ZBTB49: variants seen among roughly 807,000 people sequenced by gnomAD.
ZBTB49 encodes the protein zinc finger and BTB domain-containing protein 49.
A neutral mutation model predicts 57.5 loss-of-function variants in ZBTB49; 43 were observed. The observed-to-expected ratio is 0.75, with a 90% CI of 0.59 to 0.97. The LOEUF (loss-of-function observed/expected upper bound fraction) is 0.97, where lower values mean the gene tolerates loss of function less well. Among genes scored for constraint, ZBTB49 ranks in the 50% least tolerant of loss-of-function variants. The probability of loss-of-function intolerance (pLI) is 0.00; values close to 1 mark genes in which losing one functional copy is unlikely to be tolerated. For synonymous variants in ZBTB49, 369 were observed against 362.1 expected (o/e 1.02, Z -0.22); for missense variants, 938 against 947.7 (o/e 0.99, Z 0.13).
intron 1 of ZBTB49, among the ~76,000 whole-genome samples, chr4:4,293,351 G>T (rs940536143): frequency 2.6e-5 from 4 of 152,200 alleles, no homozygotes; most frequent in Admixed American, 1.3e-4. Flanking sequence ...GTTCCTTAAT[G>T]CAAAGCTTGT....
chr4:4,316,051 G>A (rs551776969), intron 7 of ZBTB49, 81 bp downstream of exon 7: 123 of 1,525,456 alleles, frequency 8.1e-5, no homozygotes, highest in South Asian at 2.6e-4. Context: ...AGCTGAGTGC[G>A]TGTCTGGGAT....
intron 5 of ZBTB49, among the ~76,000 whole-genome samples, chr4:4,315,352 C>T (rs919286889): frequency 3.9e-5 from 6 of 152,092 alleles, no homozygotes; most frequent in African/African-American, 1.4e-4. Flanking sequence ...GATGCTGAAC[C>T]GTACGGTATC....
intron 1 of ZBTB49, among the ~76,000 whole-genome samples, chr4:4,292,188 G>A (rs1448958187): frequency 6.6e-6 from 1 of 152,184 alleles, no homozygotes; most frequent in Non-Finnish European, 1.5e-5. Flanking sequence ...GGCTGAGGCA[G>A]AAGAATCGCT....
intron 1 of ZBTB49, among the ~76,000 whole-genome samples, chr4:4,293,758 T>C (rs1201053837): frequency 1.3e-5 from 2 of 152,246 alleles, no homozygotes; most frequent in Non-Finnish European, 2.9e-5. Context: ...AGCTGAACCC[T>C]TCTCTGTCTC....
At chr4:4,301,956 G>C (rs760263570) in intron 2 of ZBTB49, 33 bp from the exon 3 acceptor site, 4 of 1,422,964 alleles carry the variant, frequency 2.8e-6, no homozygotes, top group Non-Finnish European at 3.7e-6. Flanking sequence ...GTGAATTTTT[G>C]GCACTGTAAA....
Position 4,321,266 on chromosome 4 carries a change from T to G in ZBTB49, c.2248T>G (p.Trp750Gly), listed in dbSNP as rs759059985. The G allele has an allele frequency of 3.1e-6, 5 of 1,613,902 alleles. No homozygotes were observed. Among genetic ancestry groups the G allele is most frequent in the Non-Finnish European group, 3.4e-6 (4 of 1,180,036 alleles). ...TCAGTTTTTCTCCAGCATGACTCTC[T>G]GGGGGCTAGCGATGAAGACGCTGCA... ...EGQFFSSMTL[W>G]GLAMKTLQNE... is the part of the protein sequence containing the mutation. Residue 750 changes from tryptophan (W) to glycine (G), a missense_variant, in exon 8 of 8, where the codon TGG (tryptophan) becomes GGG (glycine). Physicochemically the swap from Trp to Gly is radical, Grantham distance 184. Around this residue, in one of 3 missense-constraint regions of ZBTB49, gnomAD observed 835 missense variants for 819.1 expected, o/e 1.02. Coordinates refer to ENST00000337872, the MANE Select transcript of ZBTB49 (RefSeq NM_145291.4).
chr4:4,319,990 G>A lies in ZBTB49; in HGVS notation c.1622-650G>A, dbSNP rs112918288. 9.9e-4 allele frequency among the ~76,000 whole-genome samples: 148 copies of A among 149,996 alleles called. 1 individual carries two copies. Among genetic ancestry groups the A allele is most frequent in the African/African-American group, 3.5e-3 (142 of 40,768 alleles). Reference sequence around the variant, plus strand: ...GAGGCAGGAGAACCACCTGAACCTCGGAGGCAGAGGTTGCACTGAGCCGAG... The same window carrying A: ...GAGGCAGGAGAACCACCTGAACCTCAGAGGCAGAGGTTGCACTGAGCCGAG... On this transcript the variant is annotated intron_variant, in intron 7 of 7. Transcript: ENST00000337872.
chr4:4,292,455 CAG>C (rs527986929), intron 1 of ZBTB49, among the ~76,000 whole-genome samples: 66 of 152,276 alleles, frequency 4.3e-4, no homozygotes, highest in Non-Finnish European at 7.8e-4. Context: ...AACTGAGACA[CAG>C]AGCCTGTGAA....
At chr4:4,319,797 G>GATTTTTTTCTTTTTTTCGAGACAAACA (rs1390015943) in intron 7 of ZBTB49, among the ~76,000 whole-genome samples, 2 of 151,520 alleles carry the variant, frequency 1.3e-5, no homozygotes, top group South Asian at 2.1e-4. Context: ...CAGCCTGGGC[G>GATTTTTTTCTTTTTTTCGAGACAAACA]CCTCACTCCC....
chr4:4,306,936 T>C (rs1455819132), intron 4 of ZBTB49, among the ~76,000 whole-genome samples: 1 of 152,208 alleles, frequency 6.6e-6, no homozygotes, highest in Non-Finnish European at 1.5e-5. Flanking sequence ...GTAGATCCTG[T>C]GGCAGCAGTG....
chr4:4,291,686 G>GT (rs1374283098), intron 1 of ZBTB49, among the ~76,000 whole-genome samples: 3 of 152,136 alleles, frequency 2.0e-5, no homozygotes, highest in Non-Finnish European at 2.9e-5. Flanking sequence ...GTTGTTGTTT[G>GT]TTTGTTTGTC....
chr4:4,306,634 C>T (rs1720747326), intron 4 of ZBTB49, among the ~76,000 whole-genome samples: 1 of 152,102 alleles, frequency 6.6e-6, no homozygotes, highest in African/African-American at 2.4e-5. Context: ...TTTAGCTGAC[C>T]TCCATTAAGG....
rs912548910 is a variant in ZBTB49 at position 4,313,222 on chromosome 4, G to A, written c.1376+108G>A. The A allele has an allele frequency of 5.1e-5, 63 of 1,237,092 alleles. No homozygotes were observed. The African/African-American group carries it at 9.5e-4, about 19-fold the overall frequency. 76.6% of individuals were successfully genotyped at this position (1,237,092 alleles called of 1,614,324 possible). ...TGGCTCACAGATGAGCCACAGGTGG[G>A]CTCACCCTGCCACTGCAGAACACAG... On this transcript the variant is annotated intron_variant, in intron 5 of 7. Transcript: ENST00000337872.
chr4:4,291,342 A>G (rs886820216), intron 1 of ZBTB49, among the ~76,000 whole-genome samples: 1 of 152,062 alleles, frequency 6.6e-6, no homozygotes, highest in Non-Finnish European at 1.5e-5. Flanking sequence ...CTGTGTTTTC[A>G]CATCTCTGGC....
At chr4:4,299,817 G>GAT in intron 1 of ZBTB49, 110 bp from the exon 2 acceptor site, 1 of 927,662 alleles carries the variant, frequency 1.1e-6, no homozygotes, top group Non-Finnish European at 1.6e-6. Context: ...GTGTGAGAGA[G>GAT]AAACTGTGAT....
intron 4 of ZBTB49, among the ~76,000 whole-genome samples, chr4:4,308,117 G>T (rs188727941): frequency 6.6e-6 from 1 of 152,098 alleles, no homozygotes. Flanking sequence ...TCGCTCTGTC[G>T]CCCAGGCTGG....
chr4:4,301,066 A>C (rs79023549), intron 2 of ZBTB49, among the ~76,000 whole-genome samples: 1 of 152,150 alleles, frequency 6.6e-6, no homozygotes, highest in Non-Finnish European at 1.5e-5. Context: ...CCTAGGAAAA[A>C]TGGTCGCAAA....
Position 4,302,809 on chromosome 4 carries a change from T to C in ZBTB49, c.973T>C (p.Ser325Pro). Residue 325 changes from serine (S) to proline (P), a missense_variant, in exon 3 of 8, where the codon TCT becomes CCT. By Grantham distance (74) the Ser-to-Pro change is moderately conservative. Transcript: ENST00000337872. ...GTCACAGAAATACGCAGAGCAAGTA[T>C]CTGAACCCAAGTCAGATGATGGTTT... ...LKSQKYAEQVSEPKSDDGLTK... is the reference protein window; with the variant it reads ...LKSQKYAEQVPEPKSDDGLTK... The C allele has an allele frequency of 6.2e-7, 1 of 1,614,092 alleles. No individual in the cohort carries two copies. Among genetic ancestry groups the C allele is most frequent in the South Asian group, 1.1e-5 (1 of 91,080 alleles).
chr4:4,302,671 C>T lies in ZBTB49; in HGVS notation c.835C>T (p.Gln279Ter), dbSNP rs1341391708. The T allele has an allele frequency of 6.2e-7, 1 of 1,610,438 alleles. No individual in the cohort carries two copies. The highest frequency in any genetic ancestry group is 8.5e-7 in the Non-Finnish European group (1 of 1,177,882). Residue 279 changes from glutamine (Q) to a stop codon, truncating the protein, a stop_gained, in exon 3 of 8, where the codon CAG (glutamine) becomes TAG (stop). Transcript: ENST00000337872. LOFTEE classifies it high-confidence loss of function. ...GCACTTACCTTCCAACTTCCTGGCC[C>T]AGCCTGTGAATGACTCTGCCCCACA... ...PEHLPSNFLA[Q>*]PVNDSAPHPE...
Sources: allele counts gnomAD v4.1 joint callset (sites outside exome capture counted in the v4.1 genomes callset), GRCh38; gene constraint gnomAD v4.1.1; regional missense constraint gnomAD v4.1.1; transcripts MANE v1.5; gene names NCBI Gene and HGNC (gene_info 2026-07-23, HGNC 2026-07-21).